Variants in AEBP2 observed in about 807,000 individuals in gnomAD.
AEBP2 encodes AE binding protein 2.
In AEBP2, 10 loss-of-function variants were observed where a neutral mutation model predicts 50.8. That is an observed-to-expected ratio of 0.20 (90% CI 0.12 to 0.33). The LOEUF (loss-of-function observed/expected upper bound fraction) is 0.33. Among genes scored for constraint, AEBP2 ranks in the 10% least tolerant of loss-of-function variants. AEBP2 has a pLI of 1.00. For missense variants in AEBP2, 570 were observed against 688.0 expected (o/e 0.83, Z 1.92); for synonymous variants, 296 against 261.3 (o/e 1.13, Z -1.28).
intron 1 of AEBP2, among the ~76,000 whole-genome samples, chr12:19,421,344 C>CAAAAAAAAAAAAAAAAAAA (rs375160231): frequency 6.1e-5 from 5 of 82,428 alleles, no homozygotes; most frequent in Non-Finnish European, 1.1e-4. Flanking sequence ...GACTCTGTCT[C>CAAAAAAAAAAAAAAAAAAA]AAAAAAAAAA....
At chr12:19,414,103 A>G (rs1381603844) in intron 1 of AEBP2, among the ~76,000 whole-genome samples, 2 of 152,028 alleles carry the variant, frequency 1.3e-5, no homozygotes, top group Admixed American at 1.3e-4. Flanking sequence ...CATGTTTGCC[A>G]GGCTGATCTT....
chr12:19,444,050 A>T (rs1410973400), intron 1 of AEBP2, among the ~76,000 whole-genome samples: 2 of 152,296 alleles, frequency 1.3e-5, no homozygotes, highest in East Asian at 3.9e-4. Context: ...ACCGCTAAAA[A>T]CTAGCTTTTC....
chr12:19,487,251 T>C (rs886692615), intron 3 of AEBP2, among the ~76,000 whole-genome samples: 4 of 152,152 alleles, frequency 2.6e-5, no homozygotes, highest in African/African-American at 9.7e-5. Flanking sequence ...TGGAGTCTAT[T>C]GTGTTATGGT....
intron 1 of AEBP2, among the ~76,000 whole-genome samples, chr12:19,459,026 G>C (rs1439993023): frequency 6.6e-6 from 1 of 152,114 alleles, no homozygotes; most frequent in African/African-American, 2.4e-5. Context: ...ATCACATTGA[G>C]TTTTTATTGC....
chr12:19,472,094 A>G (rs528569150), intron 2 of AEBP2, among the ~76,000 whole-genome samples: 3 of 152,320 alleles, frequency 2.0e-5, no homozygotes, highest in African/African-American at 4.8e-5. Context: ...CCTATTTGAC[A>G]TAAGATGGTA....
At chr12:19,495,526 C>G (rs1478519807) in intron 4 of AEBP2, among the ~76,000 whole-genome samples, 19 of 149,746 alleles carry the variant, frequency 1.3e-4, no homozygotes, top group African/African-American at 4.2e-4. Context: ...CTTTCTTAAA[C>G]TCTCTTAAAT....
intron 1 of AEBP2, chr12:19,456,994 C>T: frequency 1.9e-6 from 3 of 1,583,932 alleles, no homozygotes; most frequent in East Asian, 2.2e-5. Context: ...GGAGGATTTT[C>T]GTCCCTTGAA....
rs566861050 is a variant in AEBP2 at position 19,461,696 on chromosome 12, C to T, written c.672-814C>T. Among the ~76,000 whole-genome samples the T allele has an allele frequency of 3.3e-5, 5 of 151,966 alleles. No homozygotes were observed. In the South Asian group the frequency reaches 1.0e-3, roughly 32 times the overall value. Reference sequence around the variant, plus strand: ...GGATAATTTTTTGTATTTTTAGTAGCAGTGGGATTTCACCATGTTGGCCAG... The same window carrying T: ...GGATAATTTTTTGTATTTTTAGTAGTAGTGGGATTTCACCATGTTGGCCAG... On this transcript the variant is annotated intron_variant, in intron 1 of 7. Coordinates refer to ENST00000266508, the MANE Select transcript of AEBP2 (RefSeq NM_153207.5).
At chr12:19,416,069 C>T (rs1233316018) in intron 1 of AEBP2, among the ~76,000 whole-genome samples, 1 of 152,138 alleles carries the variant, frequency 6.6e-6, no homozygotes, top group Admixed American at 6.6e-5. Context: ...GTGGTCTCAA[C>T]TACTTGGGAG....
upstream of AEBP2, among the ~76,000 whole-genome samples, chr12:19,438,103 G>A (rs2153365652): frequency 6.6e-6 from 1 of 152,212 alleles, no homozygotes; most frequent in African/African-American, 2.4e-5. Flanking sequence ...ATCTTAGTAA[G>A]GTGCAATACC....
At chr12:19,465,791 CTTTT>C (rs11284427) in intron 2 of AEBP2, among the ~76,000 whole-genome samples, 4 of 107,678 alleles carry the variant, frequency 3.7e-5, no homozygotes, top group Admixed American at 9.7e-5. Context: ...ATTGTTTTTT[CTTTT>C]TTTTTTTTTT....
intron 1 of AEBP2, among the ~76,000 whole-genome samples, chr12:19,416,154 C>G (rs2095742475): frequency 6.6e-6 from 1 of 152,172 alleles, no homozygotes; most frequent in African/African-American, 2.4e-5. Flanking sequence ...CGTACTCCAG[C>G]TTTAGTGACA....
Position 19,473,365 on chromosome 12 carries a change from C to T in AEBP2, c.987+10C>T. On this transcript the variant is annotated intron_variant, in intron 3 of 7. Coordinates refer to ENST00000266508, the MANE Select transcript of AEBP2 (RefSeq NM_153207.5). ...AGACAAACCTTTCAAGGTAAGGATG[C>T]ATGTATATAAAATTTATTTATTTAT... is the stretch of plus-strand genomic sequence containing the variant. 1 of 1,115,258 alleles carries T rather than the reference C, an allele frequency of 9.0e-7. No homozygotes were observed. Among genetic ancestry groups the T allele is most frequent in the South Asian group, 2.3e-5 (1 of 43,152 alleles). 69.1% of individuals were successfully genotyped at this position (1,115,258 alleles called of 1,614,324 possible). A position where few individuals can be genotyped will look rare whatever the true frequency, so the allele number is the denominator to read the frequency against.
At chr12:19,457,509 G>C in intron 1 of AEBP2, 1 of 1,487,034 alleles carries the variant, frequency 6.7e-7, no homozygotes, top group South Asian at 1.3e-5. Context: ...TCCCATCTCA[G>C]CAGCCTCCTT....
At chr12:19,507,059 G>C (rs1290642069) in intron 5 of AEBP2, among the ~76,000 whole-genome samples, 1 of 152,136 alleles carries the variant, frequency 6.6e-6, no homozygotes, top group African/African-American at 2.4e-5. Context: ...GCTCAGAGGA[G>C]AGAGGTGTGG....
At chr12:19,462,414 A>C (rs944702210) in intron 1 of AEBP2, 96 bp from the exon 2 acceptor site, 12 of 1,010,026 alleles carry the variant, frequency 1.2e-5, no homozygotes, top group African/African-American at 3.2e-5. Context: ...CACATGGAGC[A>C]GAATGTCAAG....
At chr12:19,512,945 CA>C (rs1949257632) in intron 6 of AEBP2, among the ~76,000 whole-genome samples, 1 of 152,006 alleles carries the variant, frequency 6.6e-6, no homozygotes, top group Non-Finnish European at 1.5e-5. Flanking sequence ...GAGACTGTCT[CA>C]AAAACAAAAA....
chr12:19,420,759 G>T (rs960555598), intron 1 of AEBP2, among the ~76,000 whole-genome samples: 2 of 151,776 alleles, frequency 1.3e-5, no homozygotes, highest in African/African-American at 4.8e-5. Flanking sequence ...TTGGTTCTTT[G>T]CCCTCTTGAT....
At chr12:19,508,010 C>A (rs553300169) in intron 5 of AEBP2, among the ~76,000 whole-genome samples, 5 of 152,230 alleles carry the variant, frequency 3.3e-5, no homozygotes, top group Admixed American at 2.6e-4. Context: ...TTCTTTCGAG[C>A]CTTCTCCAGA....
Sources: gnomAD v4.1 joint callset for allele counts (sites outside exome capture counted in the v4.1 genomes callset) on GRCh38, gnomAD v4.1.1 for gene constraint, MANE v1.5 for transcripts, NCBI Gene and HGNC (gene_info 2026-07-23, HGNC 2026-07-21) for gene names.